SEMA3A: variants seen among roughly 807,000 people sequenced by gnomAD.
SEMA3A encodes semaphorin 3A.
In SEMA3A, 29 loss-of-function variants were observed where a neutral mutation model predicts 97.9. That is an observed-to-expected ratio of 0.30 (90% CI 0.22 to 0.40). SEMA3A has a LOEUF of 0.40. Among genes scored for constraint, SEMA3A ranks in the 10% least tolerant of loss-of-function variants. SEMA3A has a pLI of 1.00. For synonymous variants in SEMA3A, 321 were observed against 323.7 expected (o/e 0.99, Z 0.09); for missense variants, 763 against 951.3 (o/e 0.80, Z 2.60).
chr7:84,121,172 G>A (rs1173438279), intron 3 of SEMA3A, among the ~76,000 whole-genome samples: 11 of 151,970 alleles, frequency 7.2e-5, no homozygotes, highest in African/African-American at 1.7e-4. Flanking sequence ...AAACACTATC[G>A]TAACTGTATA....
intron 3 of SEMA3A, among the ~76,000 whole-genome samples, chr7:84,215,632 G>A (rs1219194101): frequency 6.6e-6 from 1 of 152,100 alleles, no homozygotes; most frequent in Non-Finnish European, 1.5e-5. Flanking sequence ...ACTTGTTTAT[G>A]TGGATTCTAT....
At chr7:84,218,146 A>C (rs1798792571) in intron 3 of SEMA3A, among the ~76,000 whole-genome samples, 1 of 152,048 alleles carries the variant, frequency 6.6e-6, no homozygotes, top group African/African-American at 2.4e-5. Flanking sequence ...ATTTCAGATA[A>C]ATGGTATATT....
At chr7:84,475,682 C>G (rs1243960320) in intron 1 of SEMA3A, among the ~76,000 whole-genome samples, 1 of 152,096 alleles carries the variant, frequency 6.6e-6, no homozygotes, top group Non-Finnish European at 1.5e-5. Context: ...GTAACTAGTG[C>G]TGAGCAAATA....
intron 3 of SEMA3A, among the ~76,000 whole-genome samples, chr7:84,280,408 C>G (rs953283213): frequency 6.6e-6 from 1 of 152,112 alleles, no homozygotes; most frequent in Non-Finnish European, 1.5e-5. Flanking sequence ...TAAAGTTACA[C>G]CATGCTCATA....
At chr7:84,387,066 C>T (rs12673557) in intron 1 of SEMA3A, among the ~76,000 whole-genome samples, 17,042 of 151,754 alleles carry the variant, frequency 0.11, 1,202 homozygotes, top group East Asian at 0.28. Flanking sequence ...GATTTGGGGC[C>T]CAGAGAGGTT....
At chr7:84,201,809 G>A (rs1167298597) in intron 3 of SEMA3A, among the ~76,000 whole-genome samples, 2 of 152,022 alleles carry the variant, frequency 1.3e-5, no homozygotes, top group African/African-American at 2.4e-5. Flanking sequence ...CAGATTCAAG[G>A]TGAAAAAGTT....
At chr7:84,299,430 A>G (rs1584216111) in intron 3 of SEMA3A, among the ~76,000 whole-genome samples, 1 of 148,818 alleles carries the variant, frequency 6.7e-6, no homozygotes. Flanking sequence ...AGCCCTGATT[A>G]ATCATTTGGT....
chr7:83,968,226 G>T (rs1788784248), intron 15 of SEMA3A, among the ~76,000 whole-genome samples: 2 of 152,096 alleles, frequency 1.3e-5, no homozygotes, highest in African/African-American at 4.8e-5. Flanking sequence ...TCTTTTTCTG[G>T]ATTAAACCAG....
At chr7:84,000,431 T>G (rs1367600729) in intron 12 of SEMA3A, among the ~76,000 whole-genome samples, 1 of 152,106 alleles carries the variant, frequency 6.6e-6, no homozygotes, top group African/African-American at 2.4e-5. Flanking sequence ...AAACCAAGGA[T>G]TAATAGGAAA....
intron 4 of SEMA3A, among the ~76,000 whole-genome samples, chr7:84,079,252 G>A (rs1315877012): frequency 6.6e-6 from 1 of 151,810 alleles, no homozygotes; most frequent in African/African-American, 2.4e-5. Flanking sequence ...AAAAACCCTA[G>A]AAGAAAACCT....
chr7:84,092,954 A>G (rs1794643976), intron 4 of SEMA3A, among the ~76,000 whole-genome samples: 1 of 152,170 alleles, frequency 6.6e-6, no homozygotes, highest in South Asian at 2.1e-4. Flanking sequence ...ACCAACCAAA[A>G]AAAAATCAAA....
At chr7:84,172,099 ATC>A (rs1431647417) in intron 1 of SEMA3A, among the ~76,000 whole-genome samples, 1 of 152,190 alleles carries the variant, frequency 6.6e-6, no homozygotes, top group Non-Finnish European at 1.5e-5. Context: ...CATTTTACAC[ATC>A]TCTGTTTTTA....
intron 3 of SEMA3A, among the ~76,000 whole-genome samples, chr7:84,120,226 T>A (rs1583995011): frequency 6.6e-6 from 1 of 152,168 alleles, no homozygotes. Flanking sequence ...CCAACCTATT[T>A]GGCTGTATTA....
chr7:84,419,200 A>T (rs1804520577), intron 1 of SEMA3A, among the ~76,000 whole-genome samples: 1 of 152,136 alleles, frequency 6.6e-6, no homozygotes, highest in Non-Finnish European at 1.5e-5. Context: ...AGAGGCAATT[A>T]TTTAGATGTA....
intron 4 of SEMA3A, among the ~76,000 whole-genome samples, chr7:84,069,020 T>A (rs1387675115): frequency 6.6e-6 from 1 of 152,174 alleles, no homozygotes; most frequent in African/African-American, 2.4e-5. Context: ...ATCTACCATG[T>A]AAATCTTCTA....
chr7:84,081,640 C>A (rs1794166584), intron 4 of SEMA3A, among the ~76,000 whole-genome samples: 1 of 146,324 alleles, frequency 6.8e-6, no homozygotes, highest in African/African-American at 2.5e-5. Flanking sequence ...TATGTGTTAT[C>A]AATGTCGATG....
chr7:84,280,621 T>C (rs912162672), intron 3 of SEMA3A, among the ~76,000 whole-genome samples: 1 of 151,802 alleles, frequency 6.6e-6, no homozygotes, highest in Non-Finnish European at 1.5e-5. Flanking sequence ...ACACCTCTAC[T>C]AAAAATACAA....
At chr7:84,276,007 A>G (rs1327825960) in intron 3 of SEMA3A, among the ~76,000 whole-genome samples, 1 of 152,064 alleles carries the variant, frequency 6.6e-6, no homozygotes, top group Non-Finnish European at 1.5e-5. Flanking sequence ...TGTCCTGCTC[A>G]TGTAAAGTGG....
chr7:84,440,860 C>T (rs922046583), intron 1 of SEMA3A, among the ~76,000 whole-genome samples: 5 of 151,934 alleles, frequency 3.3e-5, no homozygotes, highest in African/African-American at 4.8e-5. Flanking sequence ...AAAGTATGGC[C>T]GACTTAAAAA....
Sources: gnomAD v4.1 joint callset for allele counts (sites outside exome capture counted in the v4.1 genomes callset) on GRCh38, gnomAD v4.1.1 for gene constraint, MANE v1.5 for transcripts, NCBI Gene and HGNC (gene_info 2026-07-23, HGNC 2026-07-21) for gene names.